Variants in SNX2 observed in about 807,000 individuals in gnomAD.
SNX2 encodes the protein sorting nexin 2.
In SNX2, 25 loss-of-function variants were observed where a neutral mutation model predicts 69.9. The observed-to-expected ratio is 0.36, with a 90% CI of 0.26 to 0.50. The LOEUF is 0.50. SNX2 is among the 20% of genes least tolerant of loss of function. The pLI is 0.97. For synonymous variants in SNX2, 229 were observed against 200.4 expected (o/e 1.14, Z -1.20); for missense variants, 551 against 613.3 (o/e 0.90, Z 1.07).
intron 14 of SNX2, among the ~76,000 whole-genome samples, chr5:122,828,912 A>G (rs1168140467): frequency 1.3e-5 from 2 of 152,058 alleles, no homozygotes; most frequent in Non-Finnish European, 2.9e-5. Flanking sequence ...TGAGGTCAGG[A>G]GTTTAAGACC....
intron 1 of SNX2, among the ~76,000 whole-genome samples, chr5:122,780,076 GAAT>G (rs1304984004): frequency 6.6e-6 from 1 of 152,162 alleles, no homozygotes; most frequent in East Asian, 1.9e-4. Context: ...TTAGGGGAGG[GAAT>G]AATAAGTTTA....
chr5:122,775,639 T>A lies in SNX2; in HGVS notation c.108+428T>A, dbSNP rs570021044. On this transcript the variant is annotated intron_variant, in intron 1 of 14. Transcript: ENST00000379516. ...GTGTGCCGCTGCCAGGGGAGCGCAA[T>A]GAAGTGAGCGCTGAGGGGCCGAGGG... 21 of 987,896 alleles carry A rather than the reference T, an allele frequency of 2.1e-5. No homozygotes were observed. The African/African-American group carries it at 2.4e-4, about 11-fold the overall frequency. The allele number at this position is 987,896 out of a possible 1,614,324, so 61.2% of individuals were successfully genotyped here.
At chr5:122,801,598 C>CTA (rs1554062696) in intron 3 of SNX2, among the ~76,000 whole-genome samples, 4 of 108,926 alleles carry the variant, frequency 3.7e-5, no homozygotes, top group Non-Finnish European at 7.0e-5. Flanking sequence ...GAGCAAGACT[C>CTA]TATCTTTAAA....
In SNX2 at chr5:122,799,863, A is replaced by T. The variant is rs747572798; in HGVS notation, c.390+8A>T. 6.3e-7 allele frequency: 1 copy of T among 1,599,596 alleles called. No individual in the cohort carries two copies. Among genetic ancestry groups the T allele is most frequent in the Non-Finnish European group, 8.5e-7 (1 of 1,170,988 alleles). On this transcript the variant is annotated splice_region_variant and intron_variant, in intron 3 of 14. Transcript: ENST00000379516. ...GATAGATCCAGGGAAGAGGTACAGG[A>T]AAATGTATTCTAAATTAATATGTAA...
rs1581649450 is a variant in SNX2, at chr5:122,827,246, A to G, written c.1357-133A>G. ...TGACAGTTAAATGCAATTTCTGTTG[A>G]TGCTAAATTGTGCATTGCCAATATT... On this transcript the variant is annotated intron_variant, in intron 12 of 14. Transcript: ENST00000379516. The G allele has an allele frequency of 2.2e-5, 15 of 670,304 alleles. No homozygotes were observed. In the East Asian group the frequency reaches 3.8e-4, roughly 17 times the overall value. 41.5% of individuals were successfully genotyped at this position (670,304 alleles called of 1,614,324 possible).
chr5:122,831,009 C>CAA lies in SNX2; in HGVS notation c.*1384_*1385dup, dbSNP rs58159922. The stretch of plus-strand genomic sequence containing the variant: ...AGGCAACAAAAGCAAAACTCCATCT[C>CAA]AAAAAAAAAAAAAAAAAAAAAAAAG... On this transcript the variant is annotated 3_prime_UTR_variant, in exon 15 of 15. Coordinates refer to ENST00000379516, the MANE Select transcript of SNX2 (RefSeq NM_003100.4). Among the ~76,000 whole-genome samples, 12,719 of 62,508 alleles carry CAA rather than the reference C, an allele frequency of 0.2. 1,302 individuals carry two copies. The highest frequency in any genetic ancestry group is 0.26 in the Non-Finnish European group (8,785 of 33,594). 41.0% of individuals were successfully genotyped at this position (62,508 alleles called of 152,430 possible). A position where few individuals can be genotyped will look rare whatever the true frequency, so the allele number is the denominator to read the frequency against.
At chr5:122,775,233 T>G (rs1477439017) in intron 1 of SNX2, 22 bp downstream of exon 1, 1 of 1,538,760 alleles carries the variant, frequency 6.5e-7, no homozygotes, top group Non-Finnish European at 8.8e-7. Flanking sequence ...TCGCTGCGGG[T>G]GCTGCGCTGC....
At chr5:122,823,806 G>GTA (rs1754084909) in intron 11 of SNX2, among the ~76,000 whole-genome samples, 1 of 132,748 alleles carries the variant, frequency 7.5e-6, no homozygotes, top group African/African-American at 2.8e-5. Context: ...GTGTGTGTGT[G>GTA]TGTGTATGTG....
At chr5:122,823,495 T>C (rs995592007) in intron 11 of SNX2, among the ~76,000 whole-genome samples, 5 of 152,196 alleles carry the variant, frequency 3.3e-5, no homozygotes, top group Admixed American at 2.6e-4. Flanking sequence ...AGATTTAGCA[T>C]ATCAATGGAA....
Position 122,829,665 on chromosome 5 carries a change from G to A in SNX2, c.*17G>A, listed in dbSNP as rs751229176. ...ATTGCCTAGCAATAAGATTGTTGCC[G>A]TTAAGAAGACCTTGGATGTTGTTCC... On this transcript the variant is annotated 3_prime_UTR_variant, in exon 15 of 15. Coordinates refer to ENST00000379516, the MANE Select transcript of SNX2 (RefSeq NM_003100.4). The A allele has an allele frequency of 9.3e-5, 150 of 1,608,428 alleles. 1 individual carries two copies. The highest frequency in any genetic ancestry group is 1.6e-4 in the African/African-American group (12 of 74,770).
intron 14 of SNX2, 22 bp downstream of exon 14, chr5:122,827,668 C>T (rs1487495927): frequency 6.5e-7 from 1 of 1,544,374 alleles, no homozygotes; most frequent in African/African-American, 1.4e-5. Context: ...TTGTTTATAA[C>T]TTAAACTTCT....
chr5:122,813,052 A>G (rs758698992), intron 7 of SNX2, among the ~76,000 whole-genome samples: 3 of 152,178 alleles, frequency 2.0e-5, no homozygotes, highest in Non-Finnish European at 2.9e-5. Context: ...TGGATGTGAT[A>G]TTGATCAATT....
intron 14 of SNX2, 21 bp from the exon 15 acceptor site, chr5:122,829,577 T>C (rs374264627): frequency 1.1e-5 from 17 of 1,592,636 alleles, no homozygotes; most frequent in Middle Eastern, 1.7e-4. Context: ...GAATAACTTA[T>C]ATTTTAATTA....
Position 122,803,632 on chromosome 5 carries a change from A to G in SNX2, c.643+19A>G. ...ATAGTAGGTAAGCACAAATTTTTCAAAAATTAATTTTTGTTACTGTTACTA... is the reference window on the plus strand; with the variant it reads ...ATAGTAGGTAAGCACAAATTTTTCAGAAATTAATTTTTGTTACTGTTACTA... On this transcript the variant is annotated intron_variant, in intron 6 of 14. Coordinates refer to ENST00000379516, the MANE Select transcript of SNX2 (RefSeq NM_003100.4). 2 of 1,581,602 alleles carry G rather than the reference A, an allele frequency of 1.3e-6. No homozygotes were observed. Among genetic ancestry groups the G allele is most frequent in the Non-Finnish European group, 1.7e-6 (2 of 1,166,288 alleles).
At position 122,831,297 on chromosome 5, in the gene SNX2, T is replaced by C. The variant is rs1382426575; in HGVS notation, c.*1649T>C. On this transcript the variant is annotated 3_prime_UTR_variant, in exon 15 of 15. Coordinates refer to ENST00000379516, the MANE Select transcript of SNX2 (RefSeq NM_003100.4). ...ACAGCCCAGAAGAGTGGCTGATACA[T>C]AATAGGTTAATAATAAGGGCTTGAT... Among the ~76,000 whole-genome samples the C allele has an allele frequency of 6.6e-6, 1 of 152,032 alleles. No homozygotes were observed. Among genetic ancestry groups the C allele is most frequent in the Admixed American group, 6.6e-5 (1 of 15,262 alleles).
At chr5:122,798,736 T>C (rs1209768295) in intron 2 of SNX2, among the ~76,000 whole-genome samples, 1 of 152,184 alleles carries the variant, frequency 6.6e-6, no homozygotes, top group Non-Finnish European at 1.5e-5. Flanking sequence ...TATGCTATTA[T>C]TCCATTATCA....
At chr5:122,814,907 G>A (rs1200155005) in intron 7 of SNX2, among the ~76,000 whole-genome samples, 4 of 151,362 alleles carry the variant, frequency 2.6e-5, no homozygotes, top group Non-Finnish European at 5.9e-5. Flanking sequence ...CTGCCACTGC[G>A]CCCGGCTAAT....
chr5:122,787,971 G>C (rs1398458712), intron 1 of SNX2, among the ~76,000 whole-genome samples: 1 of 152,100 alleles, frequency 6.6e-6, no homozygotes, highest in Non-Finnish European at 1.5e-5. Context: ...TATTTATTCA[G>C]ATATTTACCA....
chr5:122,808,260 A>T lies in SNX2; in HGVS notation c.644-17A>T. The T allele has an allele frequency of 6.5e-7, 1 of 1,530,204 alleles. No individual in the cohort carries two copies. Among genetic ancestry groups the T allele is most frequent in the Non-Finnish European group, 9.0e-7 (1 of 1,114,832 alleles). 94.8% of individuals were successfully genotyped at this position (1,530,204 alleles called of 1,614,324 possible). A position where few individuals can be genotyped will look rare whatever the true frequency, so the allele number is the denominator to read the frequency against. Reference sequence around the variant, plus strand: ...GCAATATAAAGTCATCATGAATCTCATTCAACTTCTTCAAAGGGATGACCA... The same window carrying T: ...GCAATATAAAGTCATCATGAATCTCTTTCAACTTCTTCAAAGGGATGACCA... On this transcript the variant is annotated splice_polypyrimidine_tract_variant and intron_variant, in intron 6 of 14. Transcript: ENST00000379516.
Sources: allele counts gnomAD v4.1 joint callset (sites outside exome capture counted in the v4.1 genomes callset), GRCh38; gene constraint gnomAD v4.1.1; transcripts MANE v1.5; gene names NCBI Gene and HGNC (gene_info 2026-07-23, HGNC 2026-07-21).